MSL2: variants seen among roughly 807,000 people sequenced by gnomAD.
MSL2 encodes the protein MSL complex subunit 2.
A neutral mutation model predicts 35.8 loss-of-function variants in MSL2; 2 were observed. The observed-to-expected ratio is 0.06, with a 90% CI of 0.02 to 0.18. MSL2 has a LOEUF of 0.18. MSL2 is among the 10% of genes least tolerant of loss of function. MSL2 has a pLI of 1.00. For synonymous variants in MSL2, 296 were observed against 255.7 expected (o/e 1.16, Z -1.50); for missense variants, 523 against 706.7 (o/e 0.74, Z 2.95).
At chr3:136,153,418 T>A (rs1939429205) in intron 1 of MSL2, among the ~76,000 whole-genome samples, 1 of 152,120 alleles carries the variant, frequency 6.6e-6, no homozygotes, top group Non-Finnish European at 1.5e-5. Context: ...AAAAGTATCT[T>A]CACAGAAAAA....
intron 1 of MSL2, among the ~76,000 whole-genome samples, chr3:136,160,448 C>T (rs1368243348): frequency 6.7e-6 from 1 of 149,658 alleles, no homozygotes; most frequent in Non-Finnish European, 1.5e-5. Context: ...ACAATGCAAG[C>T]CAGGCGTGGG....
chr3:136,157,310 C>T (rs900169831), intron 1 of MSL2, among the ~76,000 whole-genome samples: 1 of 150,028 alleles, frequency 6.7e-6, no homozygotes, highest in Non-Finnish European at 1.5e-5. Flanking sequence ...AGTTCGACAC[C>T]AGCCTGGCCA....
At chr3:136,188,587 A>C (rs2108094825) in intron 1 of MSL2, among the ~76,000 whole-genome samples, 1 of 152,164 alleles carries the variant, frequency 6.6e-6, no homozygotes, top group East Asian at 1.9e-4. Context: ...CCATCTCTAC[A>C]AAATATCTGA....
intron 1 of MSL2, among the ~76,000 whole-genome samples, chr3:136,191,488 C>A (rs200959082): frequency 2.2e-5 from 3 of 138,876 alleles, no homozygotes; most frequent in East Asian, 4.3e-4. Context: ...AAAAAAAAGT[C>A]TTTTCAGGCC....
rs937608447 is a variant in MSL2, at chr3:136,195,999, A to T, written c.-886T>A. 6.6e-6 allele frequency among the ~76,000 whole-genome samples: 1 copy of T among 150,902 alleles called. No individual in the cohort carries two copies. Among genetic ancestry groups the T allele is most frequent in the Non-Finnish European group, 1.5e-5 (1 of 67,656 alleles). On this transcript the variant is annotated 5_prime_UTR_variant, in exon 1 of 2. Coordinates refer to ENST00000309993, the MANE Select transcript of MSL2 (RefSeq NM_018133.4). ...CATTTTTTCGGCGCCACACACACAG[A>T]CGACTCCTCCGCCGAGCACGACGGC...
intron 1 of MSL2, among the ~76,000 whole-genome samples, chr3:136,164,235 C>G (rs562780441): frequency 2.0e-5 from 3 of 152,142 alleles, no homozygotes; most frequent in African/African-American, 7.2e-5. Flanking sequence ...CAGGAATAAT[C>G]CAGCTAATAT....
chr3:136,181,274 G>A (rs1039135883), intron 1 of MSL2, among the ~76,000 whole-genome samples: 7 of 151,848 alleles, frequency 4.6e-5, no homozygotes, highest in South Asian at 2.1e-4. Context: ...GTCTCTAACC[G>A]TTGATCTATT....
At chr3:136,160,249 T>G (rs867161492) in intron 1 of MSL2, among the ~76,000 whole-genome samples, 1 of 136,446 alleles carries the variant, frequency 7.3e-6, no homozygotes, top group South Asian at 2.3e-4. Flanking sequence ...GCACTCCAGC[T>G]TGGGCGACAG....
intron 1 of MSL2, among the ~76,000 whole-genome samples, chr3:136,153,484 A>G (rs1293315766): frequency 6.6e-6 from 1 of 152,218 alleles, no homozygotes; most frequent in African/African-American, 2.4e-5. Flanking sequence ...CTTTAAAGAA[A>G]AAAGATCAAA....
intron 1 of MSL2, among the ~76,000 whole-genome samples, chr3:136,188,341 G>A (rs1241489510): frequency 1.3e-5 from 2 of 151,628 alleles, no homozygotes; most frequent in Non-Finnish European, 2.9e-5. Flanking sequence ...GACTGAGGCA[G>A]GAGAATCGCT....
chr3:136,176,029 T>C (rs564058143), intron 1 of MSL2, among the ~76,000 whole-genome samples: 8 of 152,260 alleles, frequency 5.3e-5, no homozygotes, highest in East Asian at 1.9e-4. Context: ...GTAGGACATA[T>C]TCTAGATACA....
rs551842354 is a variant in MSL2, at chr3:136,170,559, G to A, written c.143-17821C>T. 2.2e-5 allele frequency among the ~76,000 whole-genome samples: 3 copies of A among 134,122 alleles called. No individual in the cohort carries two copies. The South Asian group carries it at 7.3e-4, about 33-fold the overall frequency. The allele number at this position is 134,122 out of a possible 152,430, so 88.0% of individuals were successfully genotyped here. A position where few individuals can be genotyped will look rare whatever the true frequency, so the allele number is the denominator to read the frequency against. ...AGATGGGAGTCTCGCTCTGTCGCCAGGCTGGAGTGCAGTGGCGTGATCTCG... is the reference window on the plus strand; with the variant it reads ...AGATGGGAGTCTCGCTCTGTCGCCAAGCTGGAGTGCAGTGGCGTGATCTCG... On this transcript the variant is annotated intron_variant, in intron 1 of 1. Transcript: ENST00000309993.
chr3:136,184,034 G>A (rs1940440090), intron 1 of MSL2, among the ~76,000 whole-genome samples: 1 of 152,168 alleles, frequency 6.6e-6, no homozygotes, highest in South Asian at 2.1e-4. Flanking sequence ...GGTGGCTCAT[G>A]CCTGTAATCG....
Position 136,195,444 on chromosome 3 carries a change from G to C in MSL2, c.-331C>G, listed in dbSNP as rs1940810316. 1.6e-5 allele frequency: 17 copies of C among 1,045,300 alleles called. No individual in the cohort carries two copies. The highest frequency in any genetic ancestry group is 1.7e-5 in the Non-Finnish European group (15 of 868,172). 64.8% of individuals were successfully genotyped at this position (1,045,300 alleles called of 1,614,324 possible). ...GACTCGGAGCTCAGTCTAGCCCCGC[G>C]GCTCGGCAGGCGGCCTGCACTCGAG... On this transcript the variant is annotated 5_prime_UTR_variant, in exon 1 of 2. Transcript: ENST00000309993.
chr3:136,175,899 T>C (rs1940159132), intron 1 of MSL2, among the ~76,000 whole-genome samples: 2 of 126,826 alleles, frequency 1.6e-5, no homozygotes, highest in Admixed American at 7.6e-5. Flanking sequence ...AGCCTGCCAC[T>C]GTGCTAAGCC....
Position 136,195,424 on chromosome 3 carries a change from G to A in MSL2, c.-311C>T. 4 of 1,121,260 alleles carry A rather than the reference G, an allele frequency of 3.6e-6. No homozygotes were observed. Among genetic ancestry groups the A allele is most frequent in the Non-Finnish European group, 4.4e-6 (4 of 914,366 alleles). 69.5% of individuals were successfully genotyped at this position (1,121,260 alleles called of 1,614,324 possible). On this transcript the variant is annotated 5_prime_UTR_variant, in exon 1 of 2. Transcript: ENST00000309993. Reference sequence around the variant, plus strand: ...GGCTTGGGCGCTCGGGGCGGGACTCGGAGCTCAGTCTAGCCCCGCGGCTCG... The same window carrying A: ...GGCTTGGGCGCTCGGGGCGGGACTCAGAGCTCAGTCTAGCCCCGCGGCTCG...
chr3:136,169,457 T>C (rs910489383), intron 1 of MSL2, among the ~76,000 whole-genome samples: 2 of 152,074 alleles, frequency 1.3e-5, no homozygotes, highest in African/African-American at 2.4e-5. Flanking sequence ...TTGTTTTTTG[T>C]GTTTTTTTTG....
intron 1 of MSL2, among the ~76,000 whole-genome samples, chr3:136,170,997 C>T (rs978474943): frequency 2.6e-5 from 4 of 152,174 alleles, no homozygotes; most frequent in African/African-American, 9.7e-5. Flanking sequence ...ATTCTACTTT[C>T]TGTTCCATCC....
intron 1 of MSL2, among the ~76,000 whole-genome samples, chr3:136,191,280 A>C (rs1940682491): frequency 6.6e-6 from 1 of 152,046 alleles, no homozygotes; most frequent in Admixed American, 6.6e-5. Context: ...CAGCCTGGCC[A>C]ACATGGTGAA....
Sources: gnomAD v4.1 joint callset for allele counts (sites outside exome capture counted in the v4.1 genomes callset) on GRCh38, gnomAD v4.1.1 for gene constraint, MANE v1.5 for transcripts, NCBI Gene and HGNC (gene_info 2026-07-23, HGNC 2026-07-21) for gene names.